The following ABCD2 variants were observed in gnomAD, a reference collection of about 807,000 sequenced individuals.
ABCD2 encodes ATP-binding cassette sub-family D member 2.
In ABCD2, 36 loss-of-function variants were observed where a neutral mutation model predicts 70.9. The observed-to-expected ratio is 0.51, with a 90% CI of 0.39 to 0.67. ABCD2 has a LOEUF of 0.67. Ranked by LOEUF, ABCD2 falls within the 30% of genes least tolerant of loss-of-function variation. The pLI is 0.00. For missense variants in ABCD2, 729 were observed against 890.2 expected (o/e 0.82, Z 2.30); for synonymous variants, 304 against 306.9 (o/e 0.99, Z 0.10).
At chr12:39,565,074 C>A (rs1219508487) in intron 9 of ABCD2, among the ~76,000 whole-genome samples, 1 of 152,146 alleles carries the variant, frequency 6.6e-6, no homozygotes, top group Admixed American at 6.6e-5. Context: ...ATGCCTCCAG[C>A]TTTGTTCTTT....
chr12:39,541,653 G>C, the ABCD2 span, among the ~76,000 whole-genome samples: 1 of 152,178 alleles, frequency 6.6e-6, no homozygotes, highest in Non-Finnish European at 1.5e-5. Context: ...GGAATGGATG[G>C]GCTCAAGAGA....
At chr12:39,589,894 CA>C (rs564054060) in intron 6 of ABCD2, among the ~76,000 whole-genome samples, 268 of 151,932 alleles carry the variant, frequency 1.8e-3, no homozygotes, top group African/African-American at 5.7e-3. Context: ...AAAAATAATA[CA>C]TTCTATATAT....
At chr12:39,547,567 A>G (rs1941037734), downstream of ABCD2, among the ~76,000 whole-genome samples, 1 of 152,138 alleles carries the variant, frequency 6.6e-6, no homozygotes, top group Non-Finnish European at 1.5e-5. Context: ...AGTCACAAAA[A>G]AGCAAATACT....
chr12:39,557,231 G>A (rs1465319763), intron 9 of ABCD2, among the ~76,000 whole-genome samples: 2 of 152,172 alleles, frequency 1.3e-5, no homozygotes, highest in Non-Finnish European at 2.9e-5. Context: ...CTCTTGCTAT[G>A]TTTTAGCAGA....
chr12:39,598,850 C>G (rs186207817), intron 6 of ABCD2, among the ~76,000 whole-genome samples: 1 of 152,212 alleles, frequency 6.6e-6, no homozygotes, highest in East Asian at 1.9e-4. Flanking sequence ...ATGTAAGAAA[C>G]ACTACATTTA....
intron 9 of ABCD2, among the ~76,000 whole-genome samples, chr12:39,566,113 G>A (rs892673057): frequency 1.2e-4 from 18 of 152,108 alleles, no homozygotes; most frequent in African/African-American, 3.1e-4. Context: ...GTCTCTGCCC[G>A]GCTTTGGTAT....
rs753513456 is a variant in ABCD2, at chr12:39,603,932, C to T, written c.1480G>A (p.Ala494Thr). 1.9e-6 allele frequency: 3 copies of T among 1,612,040 alleles called. No individual in the cohort carries two copies. The Admixed American group carries it at 5.0e-5, about 27-fold the overall frequency. Residue 494 changes from alanine to threonine, a missense_variant, in exon 5 of 10, where the codon GCT (alanine) becomes ACT (threonine). Around this residue, in one of 3 missense-constraint regions of ABCD2, gnomAD observed 289 missense variants for 328.8 expected, o/e 0.88. Coordinates refer to ENST00000308666, the MANE Select transcript of ABCD2 (RefSeq NM_005164.4). ...CTTACTTTGAAGTTTAGCCTGGAAGCCACCACTTCTCCTGCTGGTGTAATT... is the reference window on the plus strand; with the variant it reads ...CTTACTTTGAAGTTTAGCCTGGAAGTCACCACTTCTCCTGCTGGTGTAATT... ...PIITPAGEVV[A>T]SRLNFKVEEG...
intron 9 of ABCD2, among the ~76,000 whole-genome samples, chr12:39,564,664 T>G (rs1484698949): frequency 2.0e-5 from 3 of 152,170 alleles, no homozygotes. Context: ...TTGGCTTTTG[T>G]TGCCATTGCT....
the ABCD2 span, among the ~76,000 whole-genome samples, chr12:39,538,531 A>G: frequency 2.0e-5 from 3 of 152,024 alleles, no homozygotes; most frequent in African/African-American, 7.3e-5. Flanking sequence ...CATTTTGTCC[A>G]ATTCTTTGTT....
chr12:39,600,159 C>T (rs1941876631), intron 6 of ABCD2, among the ~76,000 whole-genome samples: 1 of 152,082 alleles, frequency 6.6e-6, no homozygotes, highest in Non-Finnish European at 1.5e-5. Flanking sequence ...TATGGATCCT[C>T]AAATATAAAT....
At chr12:39,602,315 G>A (rs1035980468) in intron 5 of ABCD2, among the ~76,000 whole-genome samples, 1 of 151,738 alleles carries the variant, frequency 6.6e-6, no homozygotes, top group Non-Finnish European at 1.5e-5. Context: ...ACAATGCCCG[G>A]CTAATTTTTG....
In ABCD2 at chr12:39,553,948, C is replaced by T; in HGVS notation, c.2187G>A (p.Val729=). The part of the protein sequence containing the change: ...ELCKILGEDS[V]LKTIKNEDET... ...CATCTTCATTTTTAATTGTTTTCAG[C>T]ACTGAGTCTTCTCCCAAAATTTTAC... The change falls in exon 10 of 10, where the codon GTG becomes GTA. Residue 729 remains valine (V), a synonymous_variant. Transcript: ENST00000308666. The T allele has an allele frequency of 6.2e-7, 1 of 1,612,472 alleles. No individual in the cohort carries two copies. The highest frequency in any genetic ancestry group is 8.5e-7 in the Non-Finnish European group (1 of 1,179,546).
At chr12:39,572,977 G>C (rs377308732) in intron 9 of ABCD2, among the ~76,000 whole-genome samples, 2 of 152,142 alleles carry the variant, frequency 1.3e-5, no homozygotes, top group African/African-American at 4.8e-5. Flanking sequence ...AATGAGAGCC[G>C]TGTGCTGTAG....
intron 2 of ABCD2, among the ~76,000 whole-genome samples, chr12:39,615,144 G>A (rs1942098586): frequency 6.6e-6 from 1 of 151,296 alleles, no homozygotes; most frequent in South Asian, 2.1e-4. Context: ...GTCTCTGTGG[G>A]GTTAATTTGT....
intron 9 of ABCD2, among the ~76,000 whole-genome samples, chr12:39,562,848 GACA>G (rs1427885972): frequency 6.6e-6 from 1 of 151,974 alleles, no homozygotes; most frequent in Non-Finnish European, 1.5e-5. Flanking sequence ...CAAACAAAAA[GACA>G]ACAACAAGAA....
intron 8 of ABCD2, among the ~76,000 whole-genome samples, chr12:39,579,113 G>A (rs1941560905): frequency 6.6e-6 from 1 of 152,168 alleles, no homozygotes; most frequent in African/African-American, 2.4e-5. Context: ...TGTAATCCCA[G>A]CACTTTGGGA....
the ABCD2 span, among the ~76,000 whole-genome samples, chr12:39,535,980 A>G: frequency 2.0e-5 from 3 of 152,200 alleles, no homozygotes; most frequent in Non-Finnish European, 2.9e-5. Context: ...TGTCTCTACT[A>G]AAAACACAAA....
the ABCD2 span, among the ~76,000 whole-genome samples, chr12:39,542,780 T>C: frequency 6.6e-6 from 1 of 152,080 alleles, no homozygotes; most frequent in South Asian, 2.1e-4. Flanking sequence ...TGAATGAGGA[T>C]AAGGGTCAGT....
At chr12:39,531,060 A>G in the ABCD2 span, among the ~76,000 whole-genome samples, 99 of 152,290 alleles carry the variant, frequency 6.5e-4, no homozygotes, top group African/African-American at 2.2e-3. Flanking sequence ...ATATTATCAA[A>G]TTATTCAACA....
Sources: gnomAD v4.1 joint callset for allele counts (sites outside exome capture counted in the v4.1 genomes callset) on GRCh38, gnomAD v4.1.1 for gene constraint, gnomAD v4.1.1 regional missense constraint, MANE v1.5 for transcripts, NCBI Gene and HGNC (gene_info 2026-07-23, HGNC 2026-07-21) for gene names.